The following ADAMTS20 variants were observed in gnomAD, a reference collection of about 807,000 sequenced individuals.
The protein encoded by ADAMTS20 is A disintegrin and metalloproteinase with thrombospondin motifs 20.
A neutral mutation model predicts 260.1 loss-of-function variants in ADAMTS20; 225 were observed. The observed-to-expected ratio is 0.87, with a 90% CI of 0.78 to 0.97. The LOEUF (loss-of-function observed/expected upper bound fraction) is 0.97, where lower values mean the gene tolerates loss of function less well. Ranked by LOEUF, ADAMTS20 falls within the 50% of genes least tolerant of loss-of-function variation. ADAMTS20 has a pLI of 0.00. For synonymous variants in ADAMTS20, 802 were observed against 769.5 expected, an observed-to-expected ratio of 1.04 and a Z score of -0.70; for missense variants, 2,400 against 2,337.7, an observed-to-expected ratio of 1.03 and a Z score of -0.55.
At chr12:43,391,064 G>A (rs1940585970) in intron 29 of ADAMTS20, among the ~76,000 whole-genome samples, 1 of 152,190 alleles carries the variant, frequency 6.6e-6, no homozygotes, top group African/African-American at 2.4e-5. Context: ...CAGTTCTGGA[G>A]GCTGGGAATT....
chr12:43,469,991 C>T (rs1299437122), intron 7 of ADAMTS20, among the ~76,000 whole-genome samples: 3 of 152,058 alleles, frequency 2.0e-5, no homozygotes, highest in Non-Finnish European at 4.4e-5. Context: ...CTCCAGAAAA[C>T]GAGCTTTTTC....
intron 2 of ADAMTS20, among the ~76,000 whole-genome samples, chr12:43,545,610 G>T (rs1288269963): frequency 6.6e-6 from 1 of 152,052 alleles, no homozygotes; most frequent in Non-Finnish European, 1.5e-5. Context: ...AGCTCCCAAG[G>T]ACTTCTCCTT....
At chr12:43,390,191 A>C (rs556847196) in intron 29 of ADAMTS20, among the ~76,000 whole-genome samples, 27 of 152,356 alleles carry the variant, frequency 1.8e-4, no homozygotes, top group African/African-American at 5.5e-4. Flanking sequence ...GAGGAGCTTC[A>C]GAATGCTGTT....
intron 2 of ADAMTS20, among the ~76,000 whole-genome samples, chr12:43,536,104 A>G (rs1943291089): frequency 6.6e-6 from 1 of 152,056 alleles, no homozygotes; most frequent in Non-Finnish European, 1.5e-5. Flanking sequence ...CATATTTTAT[A>G]TAAATATATA....
chr12:43,446,505 C>T (rs1941763026), intron 15 of ADAMTS20, 90 bp downstream of exon 15: 12 of 992,048 alleles, frequency 1.2e-5, no homozygotes, highest in Non-Finnish European at 1.7e-5. Context: ...GTAGACAAAA[C>T]AGTAACAAAG....
chr12:43,374,529 T>G (rs1181254604), intron 36 of ADAMTS20, among the ~76,000 whole-genome samples: 1 of 152,204 alleles, frequency 6.6e-6, no homozygotes, highest in Non-Finnish European at 1.5e-5. Context: ...AGCAGTATGA[T>G]CTATAATCTA....
intron 28 of ADAMTS20, among the ~76,000 whole-genome samples, chr12:43,407,055 T>C (rs1009748653): frequency 6.6e-6 from 1 of 151,930 alleles, no homozygotes; most frequent in Non-Finnish European, 1.5e-5. Flanking sequence ...TTTAATGGAG[T>C]TTGAAAATGT....
intron 11 of ADAMTS20, among the ~76,000 whole-genome samples, chr12:43,455,184 A>G (rs1398411414): frequency 2.6e-5 from 4 of 152,232 alleles, no homozygotes; most frequent in Non-Finnish European, 5.9e-5. Context: ...TTCACTTAGC[A>G]TAATATGCCC....
chr12:43,394,858 C>T (rs1242168074), intron 29 of ADAMTS20, among the ~76,000 whole-genome samples: 1 of 152,128 alleles, frequency 6.6e-6, no homozygotes, highest in African/African-American at 2.4e-5. Context: ...CTATAAGCTG[C>T]TGTTTCTTCA....
chr12:43,503,328 A>G (rs1942795003), intron 3 of ADAMTS20, among the ~76,000 whole-genome samples: 1 of 152,178 alleles, frequency 6.6e-6, no homozygotes. Context: ...AAGGTCCTGG[A>G]TAGTTTAGAA....
intron 4 of ADAMTS20, among the ~76,000 whole-genome samples, chr12:43,500,765 T>C (rs1942746862): frequency 7.1e-6 from 1 of 140,236 alleles, no homozygotes; most frequent in Admixed American, 7.4e-5. Context: ...TAACTATTTA[T>C]TGAGTACCCA....
chr12:43,376,721 C>T (rs1211698760), intron 32 of ADAMTS20, 68 bp from the exon 33 acceptor site: 2 of 1,527,582 alleles, frequency 1.3e-6, no homozygotes, highest in African/African-American at 2.8e-5. Flanking sequence ...TCCAAGTCTC[C>T]TTTTCTTAGA....
chr12:43,539,670 A>T (rs1943348937), intron 2 of ADAMTS20, among the ~76,000 whole-genome samples: 1 of 152,166 alleles, frequency 6.6e-6, no homozygotes, highest in Non-Finnish European at 1.5e-5. Context: ...AGTAAAAAAG[A>T]CATTGTTTTG....
intron 29 of ADAMTS20, among the ~76,000 whole-genome samples, chr12:43,396,575 G>C (rs1212950303): frequency 2.0e-5 from 3 of 152,186 alleles, no homozygotes; most frequent in Non-Finnish European, 4.4e-5. Context: ...TTTGGGGACT[G>C]TGTGGGTGAA....
At chr12:43,486,581 A>G (rs1942526129) in intron 7 of ADAMTS20, among the ~76,000 whole-genome samples, 1 of 152,210 alleles carries the variant, frequency 6.6e-6, no homozygotes, top group Non-Finnish European at 1.5e-5. Flanking sequence ...AATAAATGGA[A>G]TCTGATTAAA....
At chr12:43,540,548 TAA>T (rs937601846) in intron 2 of ADAMTS20, among the ~76,000 whole-genome samples, 6 of 152,216 alleles carry the variant, frequency 3.9e-5, no homozygotes, top group African/African-American at 1.4e-4. Flanking sequence ...TTCAAATAAT[TAA>T]AATATTAGAG....
At chr12:43,415,946 C>CT (rs967400862) in intron 28 of ADAMTS20, among the ~76,000 whole-genome samples, 9 of 152,312 alleles carry the variant, frequency 5.9e-5, no homozygotes, top group African/African-American at 2.2e-4. Flanking sequence ...CTCAGATTGA[C>CT]TTTTTCACTC....
At chr12:43,485,020 T>G (rs911946749) in intron 7 of ADAMTS20, among the ~76,000 whole-genome samples, 12 of 148,222 alleles carry the variant, frequency 8.1e-5, no homozygotes, top group African/African-American at 3.0e-4. Context: ...TTCCAAAAGA[T>G]GGAGGAGGGA....
intron 29 of ADAMTS20, among the ~76,000 whole-genome samples, chr12:43,386,350 A>G (rs1940477182): frequency 6.6e-6 from 1 of 152,148 alleles, no homozygotes. Flanking sequence ...CTGCAGAGAG[A>G]TCCGCTGTTA....
Sources: gnomAD v4.1 joint callset for allele counts (sites outside exome capture counted in the v4.1 genomes callset) on GRCh38, gnomAD v4.1.1 for gene constraint, MANE v1.5 for transcripts, NCBI Gene and HGNC (gene_info 2026-07-23, HGNC 2026-07-21) for gene names.